The following POFUT4 variants were observed in gnomAD, a reference collection of about 807,000 sequenced individuals.
POFUT4 encodes protein O-fucosyltransferase 4.
the POFUT4 span, chr10:73,775,946 G>A: frequency 4.2e-6 from 2 of 470,844 alleles, no homozygotes; most frequent in African/African-American, 1.9e-5. Flanking sequence ...TTGATTCAAG[G>A]TGCTGGTCCA....
the POFUT4 span, among the ~76,000 whole-genome samples, chr10:73,776,767 C>T: frequency 6.6e-6 from 1 of 152,174 alleles, no homozygotes; most frequent in South Asian, 2.1e-4. Flanking sequence ...GCAACCTCCA[C>T]CTCCCTGGTT....
At chr10:73,775,253 C>T in the POFUT4 span, 2 of 648,016 alleles carry the variant, frequency 3.1e-6, no homozygotes, top group South Asian at 1.8e-5. Context: ...CCAGTCTGGC[C>T]TCTGCTTTGC....
the POFUT4 span, chr10:73,772,737 C>T: frequency 4.9e-5 from 79 of 1,597,724 alleles, 1 homozygote; most frequent in South Asian, 7.3e-4. Context: ...GCCCCGCTGC[C>T]GCGCCTGGCG....
chr10:73,772,620 T>C, the POFUT4 span: 2 of 1,561,520 alleles, frequency 1.3e-6, no homozygotes, highest in African/African-American at 1.4e-5. Context: ...TCGGAGCGCA[T>C]CGAGTGTGCG....
chr10:73,773,868 C>T, the POFUT4 span: 1 of 1,506,488 alleles, frequency 6.6e-7, no homozygotes, highest in East Asian at 2.3e-5. Context: ...TACTTGCTTA[C>T]TGTGGGCAAT....
At chr10:73,775,372 C>G in the POFUT4 span, 1 of 1,544,436 alleles carries the variant, frequency 6.5e-7, no homozygotes, top group Non-Finnish European at 8.8e-7. Context: ...TACTGCCTGT[C>G]GCTTGGGCTT....
chr10:73,779,067 C>T, the POFUT4 span: 2 of 136,770 alleles, frequency 1.5e-5, no homozygotes, highest in African/African-American at 2.8e-5. Flanking sequence ...CACTGCACTC[C>T]AGAAACTAAA....
At chr10:73,773,337 A>G in the POFUT4 span, 65 of 1,613,948 alleles carry the variant, frequency 4.0e-5, no homozygotes, top group Non-Finnish European at 5.0e-5. Context: ...TGCCATCTGT[A>G]ACGACTACAT....
chr10:73,777,351 A>AT, the POFUT4 span, among the ~76,000 whole-genome samples: 2 of 149,992 alleles, frequency 1.3e-5, no homozygotes, highest in Admixed American at 1.3e-4. Context: ...GCAAATTTTT[A>AT]TAGGTCCTAA....
the POFUT4 span, chr10:73,773,177 G>C: frequency 1.3e-5 from 20 of 1,598,264 alleles, no homozygotes; most frequent in Non-Finnish European, 1.5e-5. Context: ...CAGCCTTACT[G>C]TACCCGGTCT....
chr10:73,778,650 G>T, the POFUT4 span, among the ~76,000 whole-genome samples: 6 of 152,124 alleles, frequency 3.9e-5, no homozygotes, highest in Non-Finnish European at 5.9e-5. Flanking sequence ...ATATATGTTA[G>T]ATGCTTCAAC....
chr10:73,779,625 G>A, the POFUT4 span: 1 of 151,888 alleles, frequency 6.6e-6, no homozygotes, highest in Non-Finnish European at 1.5e-5. Context: ...GAGGTCAAAT[G>A]CAGGACTGAT....
At chr10:73,776,888 C>G in the POFUT4 span, among the ~76,000 whole-genome samples, 1 of 152,304 alleles carries the variant, frequency 6.6e-6, no homozygotes, top group South Asian at 2.1e-4. Flanking sequence ...GCCATGTTGG[C>G]AAGGATAGTC....
At chr10:73,777,556 C>CTTTTTT in the POFUT4 span, among the ~76,000 whole-genome samples, 1 of 142,784 alleles carries the variant, frequency 7.0e-6, no homozygotes. Context: ...TTCCCTATGA[C>CTTTTTT]TTTTTTTTTT....
At chr10:73,772,647 C>T in the POFUT4 span, 3 of 1,555,272 alleles carry the variant, frequency 1.9e-6, no homozygotes, top group South Asian at 2.3e-5. Flanking sequence ...GCGTGCGTGG[C>T]GTCCCGGAAC....
chr10:73,772,667 C>T, the POFUT4 span: 1 of 1,557,950 alleles, frequency 6.4e-7, no homozygotes, highest in East Asian at 2.4e-5. Flanking sequence ...CCGCCGAGCG[C>T]TGAGGGACTC....
At chr10:73,776,769 T>G in the POFUT4 span, among the ~76,000 whole-genome samples, 7 of 151,738 alleles carry the variant, frequency 4.6e-5, no homozygotes, top group Non-Finnish European at 7.4e-5. Flanking sequence ...AACCTCCACC[T>G]CCCTGGTTCA....
chr10:73,778,622 A>G, the POFUT4 span, among the ~76,000 whole-genome samples: 1 of 152,172 alleles, frequency 6.6e-6, no homozygotes, highest in South Asian at 2.1e-4. Flanking sequence ...ATATCTATAT[A>G]TCTACCTATA....
At chr10:73,772,703 G>T in the POFUT4 span, 8 of 1,579,342 alleles carry the variant, frequency 5.1e-6, no homozygotes, top group Admixed American at 3.6e-5. Context: ...GCTCTTCTAC[G>T]GCACAGACTT....
Sources: gnomAD v4.1 joint callset for allele counts (sites outside exome capture counted in the v4.1 genomes callset) on GRCh38, gnomAD v4.1.1 for gene constraint, MANE v1.5 for transcripts, NCBI Gene and HGNC (gene_info 2026-07-23, HGNC 2026-07-21) for gene names.